SHROOM4: variants seen among roughly 807,000 people sequenced by gnomAD.
SHROOM4 encodes protein Shroom4.
A neutral mutation model predicts 80.3 loss-of-function variants in SHROOM4; 17 were observed. The ratio of observed to expected loss-of-function variants is 0.21; its 90% CI spans 0.14 to 0.32. SHROOM4 has a LOEUF of 0.32. Among genes scored for constraint, SHROOM4 ranks in the 10% least tolerant of loss-of-function variants. The pLI is 1.00. For synonymous variants in SHROOM4, 400 were observed against 437.5 expected, an observed-to-expected ratio of 0.91 and a Z score of 1.07; for missense variants, 993 against 1,140.3, an observed-to-expected ratio of 0.87 and a Z score of 1.86.
At chrX:50,766,402 T>C (rs1226185914) in intron 1 of SHROOM4, among the ~76,000 whole-genome samples, 1 of 111,217 alleles carries the variant, frequency 9.0e-6, no homozygotes, top group Non-Finnish European at 1.9e-5. Flanking sequence ...CTTTGCCTCA[T>C]TTAAAAAAAA....
intron 1 of SHROOM4, among the ~76,000 whole-genome samples, chrX:50,761,917 T>A (rs969360471): frequency 8.9e-6 from 1 of 111,843 alleles, no homozygotes; most frequent in Non-Finnish European, 1.9e-5. Flanking sequence ...TCCTTTTTAA[T>A]GGAGTTGTTT....
chrX:50,694,017 CA>C (rs1945740130), intron 2 of SHROOM4, among the ~76,000 whole-genome samples: 1 of 111,547 alleles, frequency 9.0e-6, no homozygotes, highest in South Asian at 3.8e-4. Flanking sequence ...CCTCCAGTTA[CA>C]TCTGCGTTGC....
intron 1 of SHROOM4, among the ~76,000 whole-genome samples, chrX:50,766,650 C>A (rs1557269350): frequency 9.0e-6 from 1 of 111,156 alleles, no homozygotes; most frequent in African/African-American, 3.3e-5. Context: ...TTTGTCCCAG[C>A]TGTTGAGGAG....
intron 1 of SHROOM4, among the ~76,000 whole-genome samples, chrX:50,709,387 A>G (rs1933755314): frequency 8.9e-6 from 1 of 112,080 alleles, no homozygotes; most frequent in Non-Finnish European, 1.9e-5. Context: ...ATTTATGAGG[A>G]CAAAAGGATA....
intron 2 of SHROOM4, among the ~76,000 whole-genome samples, chrX:50,666,671 G>C (rs1932700226): frequency 8.9e-6 from 1 of 112,060 alleles, no homozygotes; most frequent in Non-Finnish European, 1.9e-5. Context: ...ACCAAAACAA[G>C]TTTTTAATTT....
intron 2 of SHROOM4, among the ~76,000 whole-genome samples, chrX:50,687,738 T>C (rs112001161): frequency 0.038 from 4,241 of 111,057 alleles, 223 homozygotes; most frequent in African/African-American, 0.13. Flanking sequence ...ATTTTTTGCT[T>C]TTTGATCAGT....
intron 1 of SHROOM4, among the ~76,000 whole-genome samples, chrX:50,698,821 AAATG>A (rs1258360973): frequency 9.0e-6 from 1 of 111,713 alleles, no homozygotes; most frequent in Non-Finnish European, 1.9e-5. Context: ...AAGGAAGGAA[AAATG>A]AATGAGAGGA....
intron 2 of SHROOM4, among the ~76,000 whole-genome samples, chrX:50,678,095 A>G (rs1932877397): frequency 8.9e-6 from 1 of 111,816 alleles, no homozygotes; most frequent in Non-Finnish European, 1.9e-5. Flanking sequence ...GTATTATGCT[A>G]CATTATTTTT....
intron 4 of SHROOM4, among the ~76,000 whole-genome samples, 162 bp from the exon 5 acceptor site, chrX:50,627,837 C>T (rs1242318571): frequency 1.8e-5 from 2 of 111,787 alleles, no homozygotes; most frequent in Non-Finnish European, 3.8e-5. Context: ...GGAGGGCTGC[C>T]TTTCTGTCGG....
At chrX:50,581,452 G>C in the SHROOM4 span, among the ~76,000 whole-genome samples, 1 of 111,529 alleles carries the variant, frequency 9.0e-6, no homozygotes, top group Admixed American at 9.6e-5. Context: ...TACTGACACA[G>C]ATATTTTGCC....
At chrX:50,619,501 C>G (rs868931902) in intron 5 of SHROOM4, among the ~76,000 whole-genome samples, 10 of 110,436 alleles carry the variant, frequency 9.1e-5, no homozygotes, top group Non-Finnish European at 1.7e-4. Flanking sequence ...TGCTTGCCCC[C>G]GGGCCCACAG....
chrX:50,618,713 G>A (rs1301168206), intron 5 of SHROOM4, among the ~76,000 whole-genome samples: 3 of 111,510 alleles, frequency 2.7e-5, no homozygotes, highest in African/African-American at 9.8e-5. Flanking sequence ...CAAGTGTTGG[G>A]CCCCGTGTTA....
chrX:50,619,766 T>C (rs1459824243), intron 5 of SHROOM4, among the ~76,000 whole-genome samples: 1 of 111,474 alleles, frequency 9.0e-6, no homozygotes, highest in Non-Finnish European at 1.9e-5. Flanking sequence ...TTGTGAATAA[T>C]AGCACTGAAA....
At chrX:50,710,645 T>C (rs1933791821) in intron 1 of SHROOM4, among the ~76,000 whole-genome samples, 1 of 111,337 alleles carries the variant, frequency 9.0e-6, no homozygotes, top group South Asian at 3.8e-4. Flanking sequence ...CCTGCACATG[T>C]ACCTCCTGAA....
intron 1 of SHROOM4, among the ~76,000 whole-genome samples, chrX:50,718,125 T>C (rs1934012529): frequency 9.0e-6 from 1 of 111,608 alleles, no homozygotes; most frequent in Admixed American, 9.5e-5. Context: ...AGAGCTTGGC[T>C]TTGGGGCTAC....
rs183611946 is a variant in SHROOM4 at position 50,589,349 on chromosome X, G to A, written c.*7346C>T. On this transcript the variant is annotated 3_prime_UTR_variant, in exon 9 of 9. Coordinates refer to ENST00000376020, the MANE Select transcript of SHROOM4 (RefSeq NM_020717.5). ...ACCCATTTAAAATGTATACTTCAAT[G>A]GTTTCCAGTACATTCAGAGTTGGAC... 1.8e-5 allele frequency among the ~76,000 whole-genome samples: 2 copies of A among 111,278 alleles called. No homozygotes were observed. Among genetic ancestry groups the A allele is most frequent in the East Asian group, 5.7e-4 (2 of 3,535 alleles).
chrX:50,805,626 C>G (rs1473151951), intron 1 of SHROOM4, among the ~76,000 whole-genome samples: 1 of 111,714 alleles, frequency 9.0e-6, no homozygotes, highest in Non-Finnish European at 1.9e-5. Context: ...CAAGAGCTGC[C>G]TGCTGTCAGT....
intron 2 of SHROOM4, among the ~76,000 whole-genome samples, chrX:50,670,460 T>C (rs1932785089): frequency 8.9e-6 from 1 of 112,025 alleles, no homozygotes; most frequent in South Asian, 3.8e-4. Context: ...TATGGCTGCA[T>C]AGTATTCAAT....
At chrX:50,677,001 T>C (rs1014280264) in intron 2 of SHROOM4, among the ~76,000 whole-genome samples, 1 of 111,986 alleles carries the variant, frequency 8.9e-6, no homozygotes, top group Non-Finnish European at 1.9e-5. Context: ...AATGAAGCTA[T>C]TCCCTTTTCT....
Sources: allele counts gnomAD v4.1 joint callset (sites outside exome capture counted in the v4.1 genomes callset), GRCh38; gene constraint gnomAD v4.1.1; transcripts MANE v1.5; gene names NCBI Gene and HGNC (gene_info 2026-07-23, HGNC 2026-07-21).